Variants in CRYZ observed in about 807,000 individuals in gnomAD.
CRYZ encodes crystallin zeta.
CRYZ carries 35 observed loss-of-function variants against 34.1 expected under a neutral mutation model. That is an observed-to-expected ratio of 1.03 (90% CI 0.78 to 1.36). The LOEUF (loss-of-function observed/expected upper bound fraction) is 1.36, where lower values mean the gene tolerates loss of function less well. Among genes scored for constraint, CRYZ ranks in the 40% most tolerant of loss-of-function variants. The pLI, the probability that CRYZ is intolerant of heterozygous loss-of-function variation, is 0.00. For missense variants in CRYZ, 403 were observed against 391.8 expected (o/e 1.03, Z -0.24); for synonymous variants, 137 against 136.5 (o/e 1.00, Z -0.03).
intron 3 of CRYZ, among the ~76,000 whole-genome samples, chr1:74,720,711 A>G (rs751593250): frequency 6.6e-6 from 1 of 152,182 alleles, no homozygotes; most frequent in Non-Finnish European, 1.5e-5. Flanking sequence ...GTCAAATATG[A>G]TGAAGATTAA....
intron 6 of CRYZ, chr1:74,708,235 T>C (rs1335084473): frequency 6.6e-6 from 1 of 152,048 alleles, no homozygotes; most frequent in Non-Finnish European, 1.5e-5. Flanking sequence ...AGACTGTAAG[T>C]TGGGACAGAT....
intron 2 of CRYZ, among the ~76,000 whole-genome samples, chr1:74,723,904 C>A (rs1165832920): frequency 6.6e-6 from 1 of 152,084 alleles, no homozygotes; most frequent in Non-Finnish European, 1.5e-5. Context: ...ATTGTGGGAG[C>A]TAATTTTACC....
At chr1:74,721,195 T>C (rs1181081058) in intron 3 of CRYZ, among the ~76,000 whole-genome samples, 1 of 152,148 alleles carries the variant, frequency 6.6e-6, no homozygotes, top group Non-Finnish European at 1.5e-5. Context: ...GGAGATAAAA[T>C]GAAAAGAAAT....
intron 2 of CRYZ, among the ~76,000 whole-genome samples, chr1:74,723,546 C>A (rs1024551176): frequency 6.6e-5 from 10 of 152,164 alleles, no homozygotes; most frequent in Admixed American, 1.3e-4. Flanking sequence ...TTCATCAAAC[C>A]CGTTTTCTCC....
intron 4 of CRYZ, among the ~76,000 whole-genome samples, chr1:74,715,154 G>A (rs1647054955): frequency 6.6e-6 from 1 of 152,114 alleles, no homozygotes; most frequent in African/African-American, 2.4e-5. Context: ...ACTCTTTCAG[G>A]GAGGAATGCT....
rs112131003 is a variant in CRYZ at position 74,727,584 on chromosome 1, A to AT, written c.-13-2751_-13-2750insA. ...CAGGTGGAGCTTCCAGTGAGCTGAG[A>AT]GATGCCACTACACTCCAGCCACTGC... On this transcript the variant is annotated intron_variant, in intron 1 of 8. Coordinates refer to ENST00000340866, the MANE Select transcript of CRYZ (RefSeq NM_001889.4). Among the ~76,000 whole-genome samples, 13 of 18,694 alleles carry AT rather than the reference A, an allele frequency of 7.0e-4. No individual in the cohort carries two copies. In the East Asian group the frequency reaches 0.028, roughly 41 times the overall value. The allele number at this position is 18,694 out of a possible 152,430, so 12.3% of individuals were successfully genotyped here.
chr1:74,724,874 C>A, intron 1 of CRYZ, 40 bp from the exon 2 acceptor site: 1 of 1,184,816 alleles, frequency 8.4e-7, no homozygotes, highest in South Asian at 1.3e-5. Flanking sequence ...CACATTGTAT[C>A]TAGGATATCA....
At position 74,706,270 on chromosome 1, in the gene CRYZ, T is replaced by C; in HGVS notation, c.*26A>G. 6.4e-6 allele frequency: 10 copies of C among 1,571,778 alleles called. No homozygotes were observed. Among genetic ancestry groups the C allele is most frequent in the Non-Finnish European group, 8.6e-6 (10 of 1,158,796 alleles). Reference sequence around the variant, plus strand: ...GGGAAAGACAGTACCTCTAATTACATAGGAAATCCATGAAAGAATTAATCA... The same window carrying C: ...GGGAAAGACAGTACCTCTAATTACACAGGAAATCCATGAAAGAATTAATCA... On this transcript the variant is annotated 3_prime_UTR_variant, in exon 9 of 9. Transcript: ENST00000340866.
chr1:74,715,342 G>A (rs1476250393), intron 4 of CRYZ, among the ~76,000 whole-genome samples: 1 of 152,170 alleles, frequency 6.6e-6, no homozygotes, highest in East Asian at 1.9e-4. Context: ...AGGCATGAGG[G>A]GATGCCTCAC....
intron 4 of CRYZ, among the ~76,000 whole-genome samples, chr1:74,717,013 T>C (rs1647086321): frequency 6.6e-6 from 1 of 152,164 alleles, no homozygotes; most frequent in Non-Finnish European, 1.5e-5. Flanking sequence ...TACTTAATTG[T>C]GAAAAGTGAC....
At chr1:74,730,127 T>C (rs1298970104) in intron 1 of CRYZ, among the ~76,000 whole-genome samples, 2 of 150,676 alleles carry the variant, frequency 1.3e-5, no homozygotes, top group African/African-American at 2.5e-5. Flanking sequence ...ATCTGTATCT[T>C]TCCCCCCCCA....
intron 1 of CRYZ, among the ~76,000 whole-genome samples, chr1:74,729,634 G>A (rs563637537): frequency 1.1e-3 from 156 of 144,162 alleles, no homozygotes; most frequent in Non-Finnish European, 1.8e-3. Context: ...GTGACAGAGT[G>A]AGACCCTGTC....
intron 2 of CRYZ, 144 bp from the exon 3 acceptor site, chr1:74,723,414 C>T (rs992936674): frequency 4.3e-6 from 3 of 697,166 alleles, no homozygotes; most frequent in African/African-American, 1.8e-5. Context: ...AGCTCACATT[C>T]CAAGTTTTAC....
chr1:74,730,981 A>T (rs1647691808), intron 1 of CRYZ, among the ~76,000 whole-genome samples: 2 of 151,224 alleles, frequency 1.3e-5, no homozygotes, highest in African/African-American at 2.4e-5. Flanking sequence ...AAAAATGTAT[A>T]AAAAAAAATT....
At chr1:74,725,199 T>A (rs1353770054) in intron 1 of CRYZ, among the ~76,000 whole-genome samples, 1 of 152,238 alleles carries the variant, frequency 6.6e-6, no homozygotes, top group Admixed American at 6.5e-5. Context: ...CCTCCTTTTG[T>A]TAGATTATGA....
At position 74,706,220 on chromosome 1, in the gene CRYZ, G is replaced by T; in HGVS notation, c.*76C>A. ...CTCATGGAATCGAATGTTAATTAAA[G>T]AAAAGATAGGGTAAGTACAACTGGG... is the stretch of plus-strand genomic sequence containing the variant. On this transcript the variant is annotated 3_prime_UTR_variant, in exon 9 of 9. Coordinates refer to ENST00000340866, the MANE Select transcript of CRYZ (RefSeq NM_001889.4). 1 of 1,236,394 alleles carries T rather than the reference G, an allele frequency of 8.1e-7. No individual in the cohort carries two copies. The highest frequency in any genetic ancestry group is 2.1e-5 in the South Asian group (1 of 48,308). 76.6% of individuals were successfully genotyped at this position (1,236,394 alleles called of 1,614,324 possible).
intron 1 of CRYZ, among the ~76,000 whole-genome samples, chr1:74,726,235 G>T (rs1008589208): frequency 1.1e-4 from 17 of 152,186 alleles, no homozygotes; most frequent in African/African-American, 3.9e-4. Context: ...GCAGAGGTAG[G>T]TTCTCCATGA....
At chr1:74,718,971 C>G (rs1301858282) in intron 4 of CRYZ, among the ~76,000 whole-genome samples, 2 of 152,168 alleles carry the variant, frequency 1.3e-5, no homozygotes, top group Non-Finnish European at 2.9e-5. Context: ...TATGATCACT[C>G]TTATGTCATT....
At chr1:74,721,094 CA>C (rs1343120384) in intron 3 of CRYZ, among the ~76,000 whole-genome samples, 1 of 151,958 alleles carries the variant, frequency 6.6e-6, no homozygotes, top group African/African-American at 2.4e-5. Context: ...CAAAGTTGGC[CA>C]AACGATAGGG....
Sources: gnomAD v4.1 joint callset for allele counts (sites outside exome capture counted in the v4.1 genomes callset) on GRCh38, gnomAD v4.1.1 for gene constraint, MANE v1.5 for transcripts, NCBI Gene and HGNC (gene_info 2026-07-23, HGNC 2026-07-21) for gene names.